The following ZNF628 variants were observed in gnomAD, a reference collection of about 807,000 sequenced individuals.
ZNF628 encodes the protein zinc finger protein 628.
ZNF628 carries 3 observed loss-of-function variants against 2.5 expected under a neutral mutation model. The observed-to-expected ratio is 1.19, with a 90% confidence interval of 0.54 to 3.07. The LOEUF is 3.07. Among genes scored for constraint, ZNF628 ranks in the 30% most tolerant of loss-of-function variants. The pLI is 0.03. For missense variants in ZNF628, 1,610 were observed against 1,517.1 expected, an observed-to-expected ratio of 1.06 and a Z score of -1.02; for synonymous variants, 861 against 717.1, an observed-to-expected ratio of 1.20 and a Z score of -3.21.
Position 55,479,937 on chromosome 19 carries a change from A to T in ZNF628, c.7+20A>T, listed in dbSNP as rs767941274. On this transcript the variant is annotated intron_variant, in intron 2 of 2. Coordinates refer to ENST00000598519, the MANE Select transcript of ZNF628 (RefSeq NM_033113.3). The surrounding 1 kb of genome is among the most constrained non-coding windows in gnomAD (Gnocchi z 5.1). Reference sequence around the variant, plus strand: ...TGTCAGGTAGTCACCTGGGGAGTGCATGGGCCAGAGACATGTAGTGTGAGC... The same window carrying T: ...TGTCAGGTAGTCACCTGGGGAGTGCTTGGGCCAGAGACATGTAGTGTGAGC... 7.5e-6 allele frequency: 3 copies of T among 399,374 alleles called. No individual in the cohort carries two copies. Among genetic ancestry groups the T allele is most frequent in the Admixed American group, 8.8e-5 (2 of 22,700 alleles). The allele number at this position is 399,374 out of a possible 1,614,324, so 24.7% of individuals were successfully genotyped here. A position where few individuals can be genotyped will look rare whatever the true frequency, so the allele number is the denominator to read the frequency against.
In ZNF628 at chr19:55,482,194, A is replaced by T; in HGVS notation, c.1001A>T (p.Lys334Met). Reference protein sequence around the residue: ...QPQEAPAEAPKADQPPSPLPQ... With the variant: ...QPQEAPAEAPMADQPPSPLPQ... ...CAGGAGGCACCCGCCGAGGCGCCCA[A>T]GGCCGACCAGCCACCGTCCCCTCTG... Residue 334 changes from lysine (K) to methionine (M), a missense_variant, in exon 3 of 3, where the codon AAG becomes ATG. Physicochemically the swap from Lys to Met is moderately conservative, Grantham distance 95. Coordinates refer to ENST00000598519, the MANE Select transcript of ZNF628 (RefSeq NM_033113.3). 1 of 1,489,238 alleles carries T rather than the reference A, an allele frequency of 6.7e-7. No individual in the cohort carries two copies. 92.3% of individuals were successfully genotyped at this position (1,489,238 alleles called of 1,614,324 possible). A position where few individuals can be genotyped will look rare whatever the true frequency, so the allele number is the denominator to read the frequency against.
chr19:55,481,114 C>T (rs969333263), intron 2 of ZNF628, 87 bp from the exon 3 acceptor site: 5 of 1,433,538 alleles, frequency 3.5e-6, no homozygotes, highest in African/African-American at 2.9e-5. Context: ...GGAGGTAGTC[C>T]CTGTCCCTTA....
chr19:55,484,154 C>A lies in ZNF628; in HGVS notation c.2961C>A (p.Asp987Glu), dbSNP rs768867157. The A allele has an allele frequency of 1.3e-6, 2 of 1,578,428 alleles. No homozygotes were observed. The highest frequency in any genetic ancestry group is 1.2e-5 in the South Asian group (1 of 85,900). Residue 987 changes from aspartate (D) to glutamate (E), a missense_variant, in exon 3 of 3, where the codon GAC (aspartate) becomes GAA (glutamate). This residue lies in a region of ZNF628 where 712 missense variants were observed against 603.6 expected (regional missense o/e 1.18). Coordinates refer to ENST00000598519, the MANE Select transcript of ZNF628 (RefSeq NM_033113.3). ...IRSAPATELLDSSNTGGGTAT... is the reference protein window; with the variant it reads ...IRSAPATELLESSNTGGGTAT... The stretch of plus-strand genomic sequence containing the variant: ...GCGCCCCAGCCACTGAGCTGCTGGA[C>A]AGCAGCAACACTGGAGGAGGCACCG...
Position 55,484,257 on chromosome 19 carries a change from C to T in ZNF628, c.3064C>T (p.Gln1022Ter). 1 of 1,548,388 alleles carries T rather than the reference C, an allele frequency of 6.5e-7. No homozygotes were observed. Among genetic ancestry groups the T allele is most frequent in the Non-Finnish European group, 8.7e-7 (1 of 1,146,022 alleles). The change falls in exon 3 of 3, where the codon CAG becomes TAG. Residue 1022 changes from glutamine to a stop codon, truncating the protein, a stop_gained. Transcript: ENST00000598519. LOFTEE classifies it high-confidence loss of function. ...GGGGCTCCCCGGGGCTCCAGCCTCC[C>T]AGATGGTGCAAGTGGTCCCCGCAGG... Reference protein sequence around the residue: ...PAGLPGAPASQMVQVVPAGAG... With the variant: ...PAGLPGAPAS
At chr19:55,477,936 A>G (rs1489595085) in intron 1 of ZNF628, among the ~76,000 whole-genome samples, 1 of 152,210 alleles carries the variant, frequency 6.6e-6, no homozygotes, top group East Asian at 1.9e-4. Flanking sequence ...CGGCGTTGAC[A>G]TTCTAGCATG....
chr19:55,477,579 T>C (rs575002868), intron 1 of ZNF628, among the ~76,000 whole-genome samples: 1 of 152,138 alleles, frequency 6.6e-6, no homozygotes, highest in East Asian at 1.9e-4. Context: ...CCAGGCAATA[T>C]GGTGAAACCC....
rs910908584 is a variant in ZNF628, at chr19:55,482,450, G to A, written c.1257G>A (p.Pro419=). ...VEEAAAGRPP[P]QAEAAEVTCP... is the part of the protein sequence containing the mutation. The stretch of plus-strand genomic sequence containing the variant: ...AGGCCGCGGCCGGGCGCCCGCCCCC[G>A]CAGGCTGAGGCTGCGGAGGTGACCT... The change falls in exon 3 of 3, where the codon CCG becomes CCA. Residue 419 remains proline, a synonymous_variant. Transcript: ENST00000598519. The A allele has an allele frequency of 7.3e-7, 1 of 1,365,890 alleles. No individual in the cohort carries two copies. The highest frequency in any genetic ancestry group is 9.4e-7 in the Non-Finnish European group (1 of 1,064,948). 84.6% of individuals were successfully genotyped at this position (1,365,890 alleles called of 1,614,324 possible).
In ZNF628 at chr19:55,481,909, C is replaced by CT; in HGVS notation, c.716_717insT (p.Pro240AlafsTer42). On this transcript the variant is annotated frameshift_variant, in exon 3 of 3. Coordinates refer to ENST00000598519, the MANE Select transcript of ZNF628 (RefSeq NM_033113.3). LOFTEE classifies it low-confidence loss of function (END_TRUNC). The stretch of plus-strand genomic sequence containing the variant: ...GCCCCGGGTACCGCCTCCGCGGCCC[C>CT]GCCCCCCCAGTCCCGGGAGCCCGGC... 6.7e-7 allele frequency: 1 copy of CT among 1,483,914 alleles called. No individual in the cohort carries two copies. Among genetic ancestry groups the CT allele is most frequent in the Non-Finnish European group, 8.9e-7 (1 of 1,121,400 alleles). 91.9% of individuals were successfully genotyped at this position (1,483,914 alleles called of 1,614,324 possible).
chr19:55,481,658 G>A lies in ZNF628; in HGVS notation c.465G>A (p.Lys155=). 1 of 1,610,202 alleles carries A rather than the reference G, an allele frequency of 6.2e-7. No homozygotes were observed. Among genetic ancestry groups the A allele is most frequent in the Admixed American group, 1.7e-5 (1 of 59,806 alleles). Residue 155 remains lysine, a synonymous_variant, in exon 3 of 3, where the codon AAG becomes AAA. Transcript: ENST00000598519. Reference sequence around the variant, plus strand: ...CCTACCCGTGCCCGGACTGCCCCAAGGCCTTCAAGAACTCGTCCAGCCTGC... The same window carrying A: ...CCTACCCGTGCCCGGACTGCCCCAAAGCCTTCAAGAACTCGTCCAGCCTGC... ...ERPYPCPDCP[K]AFKNSSSLRR...
At position 55,481,249 on chromosome 19, in the gene ZNF628, A is replaced by G; in HGVS notation, c.56A>G (p.Glu19Gly). 6.3e-7 allele frequency: 1 copy of G among 1,581,768 alleles called. No homozygotes were observed. The highest frequency in any genetic ancestry group is 8.6e-7 in the Non-Finnish European group (1 of 1,166,594). The part of the protein sequence containing the change: ...HADMAPASTA[E>G]GAGEKPGPAA... ...GACATGGCGCCGGCCTCTACTGCGG[A>G]GGGGGCCGGGGAGAAGCCAGGCCCT... Residue 19 changes from glutamate to glycine, a missense_variant, in exon 3 of 3, where the codon GAG becomes GGG. Transcript: ENST00000598519.
rs763096386 is a variant in ZNF628 at position 55,481,285 on chromosome 19, C to T, written c.92C>T (p.Ala31Val). The T allele has an allele frequency of 6.2e-7, 1 of 1,601,424 alleles. No individual in the cohort carries two copies. Among genetic ancestry groups the T allele is most frequent in the Non-Finnish European group, 8.5e-7 (1 of 1,175,540 alleles). The change falls in exon 3 of 3, where the codon GCC (alanine) becomes GTC (valine). Residue 31 changes from alanine (A) to valine (V), a missense_variant. Physicochemically the swap from Ala to Val is moderately conservative, Grantham distance 64. Coordinates refer to ENST00000598519, the MANE Select transcript of ZNF628 (RefSeq NM_033113.3). ...GAGAAGCCAGGCCCTGCGGCCCCTGCCCCGGCGGCCCAGTACGAATGTGGG... is the reference window on the plus strand; with the variant it reads ...GAGAAGCCAGGCCCTGCGGCCCCTGTCCCGGCGGCCCAGTACGAATGTGGG... ...AGEKPGPAAP[A>V]PAAQYECGEC...
At position 55,481,575 on chromosome 19, in the gene ZNF628, G is replaced by A. The variant is rs1599898722; in HGVS notation, c.382G>A (p.Ala128Thr). ...CTTCATCTGCGGCCAGTGCGGCCTG[G>A]CCTTCAAGTGGTCGTCCCACTACCA... The part of the protein sequence containing the change: ...RAFICGQCGL[A>T]FKWSSHYQYH... The change falls in exon 3 of 3, where the codon GCC becomes ACC. Residue 128 changes from alanine (A) to threonine (T), a missense_variant. Ala to Thr is a moderately conservative substitution (Grantham distance 58). This residue lies in a region of ZNF628 where 166 missense variants were observed against 241.3 expected (regional missense o/e 0.69). Coordinates refer to ENST00000598519, the MANE Select transcript of ZNF628 (RefSeq NM_033113.3). 1 of 1,611,952 alleles carries A rather than the reference G, an allele frequency of 6.2e-7. No individual in the cohort carries two copies. Among genetic ancestry groups the A allele is most frequent in the Non-Finnish European group, 8.5e-7 (1 of 1,179,308 alleles).
Position 55,483,662 on chromosome 19 carries a change from C to T in ZNF628, c.2469C>T (p.Leu823=). 1 of 1,613,688 alleles carries T rather than the reference C, an allele frequency of 6.2e-7. No individual in the cohort carries two copies. Among genetic ancestry groups the T allele is most frequent in the Non-Finnish European group, 8.5e-7 (1 of 1,179,832 alleles). The change falls in exon 3 of 3, where the codon CTC becomes CTT. Residue 823 remains leucine, a synonymous_variant. Coordinates refer to ENST00000598519, the MANE Select transcript of ZNF628 (RefSeq NM_033113.3). The part of the protein sequence containing the change: ...QEMSGVQLQP[L]RPAPEVTTVQ... ...TGAGTGGGGTGCAGCTCCAGCCCCTCCGACCAGCCCCAGAAGTAACCACGG... is the reference window on the plus strand; with the variant it reads ...TGAGTGGGGTGCAGCTCCAGCCCCTTCGACCAGCCCCAGAAGTAACCACGG...
rs1256443427 is a variant in ZNF628, at chr19:55,482,521, C to T, written c.1328C>T (p.Pro443Leu). 6.7e-7 allele frequency: 1 copy of T among 1,501,776 alleles called. No individual in the cohort carries two copies. The highest frequency in any genetic ancestry group is 8.8e-7 in the Non-Finnish European group (1 of 1,130,524). The allele number at this position is 1,501,776 out of a possible 1,614,324, so 93.0% of individuals were successfully genotyped here. A position where few individuals can be genotyped will look rare whatever the true frequency, so the allele number is the denominator to read the frequency against. ...CCTGCCGCCCCCGTCCCGCCGCCAC[C>T]CCCGTCCGCCCCCGCTTCTGCGGAG... is the stretch of plus-strand genomic sequence containing the variant. ...LAPAAPVPPP[P>L]PSAPASAERP... The change falls in exon 3 of 3, where the codon CCC (proline) becomes CTC (leucine). Residue 443 changes from proline (P) to leucine (L), a missense_variant. Transcript: ENST00000598519.
rs764923716 is a variant in ZNF628 at position 55,482,679 on chromosome 19, C to G, written c.1486C>G (p.Leu496Val). ...ECGKAFKRSS[L>V]LAIHQRVHTG... ...CGGCAAGGCCTTCAAGCGCTCCTCC[C>G]TGCTGGCCATCCACCAGCGGGTGCA... The change falls in exon 3 of 3, where the codon CTG becomes GTG. Residue 496 changes from leucine (L) to valine (V), a missense_variant. This residue lies in a region of ZNF628 where 651 missense variants were observed against 575.6 expected (regional missense o/e 1.13). Coordinates refer to ENST00000598519, the MANE Select transcript of ZNF628 (RefSeq NM_033113.3). The G allele has an allele frequency of 1.2e-6, 2 of 1,612,014 alleles. No homozygotes were observed. Among genetic ancestry groups the G allele is most frequent in the Non-Finnish European group, 8.5e-7 (1 of 1,179,326 alleles).
chr19:55,484,012 G>T lies in ZNF628; in HGVS notation c.2819G>T (p.Ser940Ile). Reference sequence around the variant, plus strand: ...GGCTTGCAGAGCGTGCTGGTGCTGAGCGGGGCCGATGGCGAACAGACTCGA... The same window carrying T: ...GGCTTGCAGAGCGTGCTGGTGCTGATCGGGGCCGATGGCGAACAGACTCGA... The part of the protein sequence containing the change: ...DEGLQSVLVL[S>I]GADGEQTRLC... Residue 940 changes from serine to isoleucine, a missense_variant, in exon 3 of 3, where the codon AGC (serine) becomes ATC (isoleucine). Coordinates refer to ENST00000598519, the MANE Select transcript of ZNF628 (RefSeq NM_033113.3). 3.1e-6 allele frequency: 5 copies of T among 1,592,152 alleles called. No homozygotes were observed. The highest frequency in any genetic ancestry group is 4.3e-6 in the Non-Finnish European group (5 of 1,168,642).
rs1986795871 is a variant in ZNF628 at position 55,483,237 on chromosome 19, C to T, written c.2044C>T (p.Pro682Ser). ...PPATQDVHVL[P>S]HLQATLSLEV... Reference sequence around the variant, plus strand: ...AGCCACCCAAGATGTCCACGTCCTGCCCCACCTCCAGGCCACGCTCTCCCT... The same window carrying T: ...AGCCACCCAAGATGTCCACGTCCTGTCCCACCTCCAGGCCACGCTCTCCCT... Residue 682 changes from proline to serine, a missense_variant, in exon 3 of 3, where the codon CCC (proline) becomes TCC (serine). Transcript: ENST00000598519. 2 of 1,537,054 alleles carry T rather than the reference C, an allele frequency of 1.3e-6. No homozygotes were observed. The highest frequency in any genetic ancestry group is 1.2e-5 in the South Asian group (1 of 83,956).
chr19:55,482,596 G>C lies in ZNF628; in HGVS notation c.1403G>C (p.Gly468Ala). 6.2e-7 allele frequency: 1 copy of C among 1,603,710 alleles called. No individual in the cohort carries two copies. ...ECGKSFKGSSGLRYHLRDHTG... is the reference protein window; with the variant it reads ...ECGKSFKGSSALRYHLRDHTG... Reference sequence around the variant, plus strand: ...GGCAAGTCCTTCAAGGGCTCCTCCGGGCTGCGCTACCACCTGCGGGACCAC... The same window carrying C: ...GGCAAGTCCTTCAAGGGCTCCTCCGCGCTGCGCTACCACCTGCGGGACCAC... The change falls in exon 3 of 3, where the codon GGG becomes GCG. Residue 468 changes from glycine to alanine, a missense_variant. Gly to Ala is a moderately conservative substitution (Grantham distance 60, BLOSUM62 0). This residue lies in a region of ZNF628 where 651 missense variants were observed against 575.6 expected (regional missense o/e 1.13). Transcript: ENST00000598519.
chr19:55,484,399 C>A lies in ZNF628; in HGVS notation c.*26C>A, dbSNP rs760004527. The A allele has an allele frequency of 4.2e-6, 6 of 1,432,804 alleles. No homozygotes were observed. In the East Asian group the frequency reaches 7.7e-5, roughly 18 times the overall value. The allele number at this position is 1,432,804 out of a possible 1,614,324, so 88.8% of individuals were successfully genotyped here. A position where few individuals can be genotyped will look rare whatever the true frequency, so the allele number is the denominator to read the frequency against. On this transcript the variant is annotated 3_prime_UTR_variant, in exon 3 of 3. Transcript: ENST00000598519. ...GGAGAGGCAGTGATTCCCCTCCCGCCCCGCACAGAGACCCCGACTCACTGC... is the reference window on the plus strand; with the variant it reads ...GGAGAGGCAGTGATTCCCCTCCCGCACCGCACAGAGACCCCGACTCACTGC...
Sources: allele counts gnomAD v4.1 joint callset (sites outside exome capture counted in the v4.1 genomes callset), GRCh38; gene constraint gnomAD v4.1.1; regional missense constraint gnomAD v4.1.1; non-coding constraint Gnocchi (gnomAD v3.1); transcripts MANE v1.5; gene names NCBI Gene and HGNC (gene_info 2026-07-23, HGNC 2026-07-21).